The following CELF4 variants were observed in gnomAD, a reference collection of about 807,000 sequenced individuals.
The protein encoded by CELF4 is CUGBP Elav-like family member 4, also known as CUG-BP- and ETR-3-like factor 4.
Under a neutral mutation model 59.9 loss-of-function variants are expected in CELF4, and 18 were observed. The ratio of observed to expected loss-of-function variants is 0.30; its 90% CI spans 0.21 to 0.45. The LOEUF (loss-of-function observed/expected upper bound fraction) is 0.45, where lower values mean the gene tolerates loss of function less well. Ranked by LOEUF, CELF4 falls within the 20% of genes least tolerant of loss-of-function variation. CELF4 has a pLI of 1.00. For missense variants in CELF4, 456 were observed against 689.0 expected (o/e 0.66, Z 3.79); for synonymous variants, 261 against 267.1 (o/e 0.98, Z 0.22).
In CELF4 at chr18:37,485,421, G is replaced by A. The variant is rs2099878955; in HGVS notation, c.369+104C>T. On this transcript the variant is annotated intron_variant, in intron 2 of 12. Coordinates refer to ENST00000420428, the MANE Select transcript of CELF4 (RefSeq NM_020180.4). ...GCTCCCGAGCTCAGGCGGGGCGGCG[G>A]GCGCCCTGCCGTCCTCTCCCCGCGC... 9 of 455,536 alleles carry A rather than the reference G, an allele frequency of 2.0e-5. No homozygotes were observed. The Admixed American group carries it at 3.6e-4, about 18-fold the overall frequency. 28.2% of individuals were successfully genotyped at this position (455,536 alleles called of 1,614,324 possible). A position where few individuals can be genotyped will look rare whatever the true frequency, so the allele number is the denominator to read the frequency against.
At chr18:37,374,877 A>T (rs1169450774) in intron 2 of CELF4, among the ~76,000 whole-genome samples, 1 of 151,818 alleles carries the variant, frequency 6.6e-6, no homozygotes, top group Non-Finnish European at 1.5e-5. Context: ...TGGTGGGAGG[A>T]GGTTATGAGG....
At chr18:37,289,240 G>A (rs1481885383) in intron 3 of CELF4, among the ~76,000 whole-genome samples, 2 of 152,136 alleles carry the variant, frequency 1.3e-5, no homozygotes, top group African/African-American at 4.8e-5. Context: ...CCATGCTGCA[G>A]TGTCCTCATG....
At chr18:37,424,419 G>A (rs543533462) in intron 2 of CELF4, among the ~76,000 whole-genome samples, 1 of 152,278 alleles carries the variant, frequency 6.6e-6, no homozygotes, top group South Asian at 2.1e-4. Flanking sequence ...GGGCTTGGTG[G>A]CAATACCCAG....
At chr18:37,551,615 T>A (rs976004064) in intron 1 of CELF4, among the ~76,000 whole-genome samples, 2 of 152,096 alleles carry the variant, frequency 1.3e-5, no homozygotes, top group African/African-American at 4.8e-5. Context: ...AATCCTATAG[T>A]GTATTGCTCG....
intron 2 of CELF4, among the ~76,000 whole-genome samples, chr18:37,338,794 G>GTGTGTGTGTGTGT (rs1557282748): frequency 3.9e-5 from 4 of 103,592 alleles, no homozygotes; most frequent in Non-Finnish European, 9.3e-5. Context: ...GTGTGTGTGT[G>GTGTGTGTGTGTGT]GTGTGTGTGA....
rs958938980 is a variant in CELF4, at chr18:37,244,133, ACTT to A, written c.*1106_*1108del. The A allele has an allele frequency of 6.6e-6, 1 of 152,440 alleles. No homozygotes were observed. The highest frequency in any genetic ancestry group is 2.4e-5 in the African/African-American group (1 of 41,174). The allele number at this position is 152,440 out of a possible 1,614,324, so 9.4% of individuals were successfully genotyped here. On this transcript the variant is annotated 3_prime_UTR_variant, in exon 13 of 13. Transcript: ENST00000420428. ...ATCTGGGATTTTAGCAGTAATGCTA[ACTT>A]CTATAGGTTTTTTTTTTCCTTTTTT... is the stretch of plus-strand genomic sequence containing the variant.
intron 2 of CELF4, among the ~76,000 whole-genome samples, chr18:37,477,978 C>T (rs141335072): frequency 6.6e-6 from 1 of 152,252 alleles, no homozygotes; most frequent in Non-Finnish European, 1.5e-5. Context: ...GAATCCAGCC[C>T]CAGCCCTGGG....
At chr18:37,448,296 G>A (rs1214992548) in intron 2 of CELF4, among the ~76,000 whole-genome samples, 1 of 152,130 alleles carries the variant, frequency 6.6e-6, no homozygotes, top group Non-Finnish European at 1.5e-5. Context: ...GAGGAGGACG[G>A]GGCCAGGGCC....
Position 37,274,303 on chromosome 18 carries a change from C to T in CELF4, c.801+8G>A, listed in dbSNP as rs754012991. On this transcript the variant is annotated splice_region_variant and intron_variant, in intron 6 of 12. Transcript: ENST00000420428. ...TGAGAACCGCTGCCCGTGCGCGCTG[C>T]CACTTACTGCCTGAGCGTAGGCGCC... 28 of 1,610,670 alleles carry T rather than the reference C, an allele frequency of 1.7e-5. No homozygotes were observed. The highest frequency in any genetic ancestry group is 2.2e-5 in the East Asian group (1 of 44,836).
chr18:37,435,329 C>G (rs1244356905), intron 2 of CELF4, among the ~76,000 whole-genome samples: 2 of 152,192 alleles, frequency 1.3e-5, no homozygotes, highest in Non-Finnish European at 2.9e-5. Flanking sequence ...CATTCCCCAG[C>G]CTGTCTGGTG....
chr18:37,375,116 TTGGGG>T lies in CELF4; in HGVS notation c.370-53240_370-53236del, dbSNP rs572874341. Among the ~76,000 whole-genome samples, 3 of 152,184 alleles carry T rather than the reference TTGGGG, an allele frequency of 2.0e-5. No homozygotes were observed. The East Asian group carries it at 5.8e-4, about 29-fold the overall frequency. On this transcript the variant is annotated intron_variant, in intron 2 of 12. Coordinates refer to ENST00000420428, the MANE Select transcript of CELF4 (RefSeq NM_020180.4). ...CTAGGCAGGGGAAGCTGTGTCTAGG[TTGGGG>T]TGGGGGCATGAGAGCCCGTGGGTGC...
chr18:37,557,094 T>C (rs538808587), intron 1 of CELF4, among the ~76,000 whole-genome samples: 1 of 152,294 alleles, frequency 6.6e-6, no homozygotes, highest in African/African-American at 2.4e-5. Context: ...CATTTCTCAG[T>C]GTGAAATACG....
At chr18:37,558,615 C>T (rs780252346) in intron 1 of CELF4, among the ~76,000 whole-genome samples, 1 of 151,514 alleles carries the variant, frequency 6.6e-6, no homozygotes, top group Non-Finnish European at 1.5e-5. Flanking sequence ...GGACTGGATG[C>T]TTTCTGCAAT....
At chr18:37,547,740 C>T (rs2099981924) in intron 1 of CELF4, among the ~76,000 whole-genome samples, 1 of 152,178 alleles carries the variant, frequency 6.6e-6, no homozygotes, top group African/African-American at 2.4e-5. Flanking sequence ...TCTCTCCAAA[C>T]CAGCTGCTTT....
intron 2 of CELF4, among the ~76,000 whole-genome samples, chr18:37,429,977 G>A (rs2099638164): frequency 6.6e-6 from 1 of 152,198 alleles, no homozygotes. Flanking sequence ...GAAGCAGGAA[G>A]TCCAGGCCAG....
intron 2 of CELF4, among the ~76,000 whole-genome samples, chr18:37,377,490 T>C (rs796072277): frequency 2.6e-5 from 4 of 152,318 alleles, no homozygotes; most frequent in African/African-American, 9.6e-5. Context: ...TGGGTGACTG[T>C]AATGCTCTGG....
intron 3 of CELF4, among the ~76,000 whole-genome samples, chr18:37,316,937 T>C (rs1307266455): frequency 6.6e-6 from 1 of 152,162 alleles, no homozygotes; most frequent in Non-Finnish European, 1.5e-5. Flanking sequence ...ATATAGGTAA[T>C]CTGGGTTCTG....
intron 2 of CELF4, among the ~76,000 whole-genome samples, chr18:37,365,957 C>T (rs1313918072): frequency 6.6e-6 from 1 of 152,150 alleles, no homozygotes; most frequent in Non-Finnish European, 1.5e-5. Flanking sequence ...CCCTATTGAC[C>T]CTTTGTGTGA....
rs60532435 is a variant in CELF4 at position 37,338,759 on chromosome 18, C to CGTGTGTGTGTGTGTGT, written c.370-16894_370-16879dup. Among the ~76,000 whole-genome samples the CGTGTGTGTGTGTGTGT allele has an allele frequency of 2.5e-4, 36 of 145,658 alleles. 1 individual carries two copies. The highest frequency in any genetic ancestry group is 1.4e-3 in the South Asian group (6 of 4,334). ...TTAATGGACTTGAAAATGCAGGAGC[C>CGTGTGTGTGTGTGTGT]GTGTGTGTGTGTGTGTGTGTGTGTG... is the stretch of plus-strand genomic sequence containing the variant. On this transcript the variant is annotated intron_variant, in intron 2 of 12. Coordinates refer to ENST00000420428, the MANE Select transcript of CELF4 (RefSeq NM_020180.4).
Sources: gnomAD v4.1 joint callset for allele counts (sites outside exome capture counted in the v4.1 genomes callset) on GRCh38, gnomAD v4.1.1 for gene constraint, MANE v1.5 for transcripts, NCBI Gene and HGNC (gene_info 2026-07-23, HGNC 2026-07-21) for gene names.